ANKRD11: variants seen among roughly 807,000 people sequenced by gnomAD.
ANKRD11 encodes ankyrin repeat domain-containing protein 11.
ANKRD11 carries 17 observed loss-of-function variants against 195.7 expected under a neutral mutation model. That is an observed-to-expected ratio of 0.09 (90% CI 0.06 to 0.13). The LOEUF is 0.13. ANKRD11 is among the 10% of genes least tolerant of loss of function. The pLI, the probability that ANKRD11 is intolerant of heterozygous loss-of-function variation, is 1.00. For missense variants in ANKRD11, 3,735 were observed against 3,566.1 expected (o/e 1.05, Z -1.21); for synonymous variants, 1,953 against 1,528.1 (o/e 1.28, Z -6.49).
chr16:89,326,655 C>A (rs1014312597), intron 2 of ANKRD11, among the ~76,000 whole-genome samples: 10 of 152,102 alleles, frequency 6.6e-5, no homozygotes, highest in African/African-American at 2.4e-4. Context: ...GGCAGGAAGA[C>A]CCCTTGGGCC....
At chr16:89,336,200 G>A (rs1451077075) in intron 2 of ANKRD11, among the ~76,000 whole-genome samples, 1 of 152,222 alleles carries the variant, frequency 6.6e-6, no homozygotes. Flanking sequence ...CACTGTCCTT[G>A]TGGGCTACTC....
intron 2 of ANKRD11, among the ~76,000 whole-genome samples, chr16:89,407,794 G>A (rs1026254541): frequency 2.1e-5 from 3 of 144,624 alleles, no homozygotes; most frequent in African/African-American, 7.8e-5. Flanking sequence ...AGGCTGCAAT[G>A]AGCCGTGATC....
In ANKRD11 at chr16:89,281,673, C is replaced by T. The variant is rs763457374; in HGVS notation, c.4869G>A (p.Lys1623=). 1.9e-6 allele frequency: 3 copies of T among 1,614,064 alleles called. No homozygotes were observed. The highest frequency in any genetic ancestry group is 2.5e-6 in the Non-Finnish European group (3 of 1,180,028). Residue 1623 remains lysine, a synonymous_variant, in exon 9 of 13, where the codon AAG becomes AAA. Coordinates refer to ENST00000301030, the MANE Select transcript of ANKRD11 (RefSeq NM_013275.6). This position sits in a 1 kb window ranked among gnomAD's most constrained non-coding sequence, Gnocchi z 5.5. The part of the protein sequence containing the change: ...HRSGDPKLKE[K]AKPADDGRKK... ...TCCGCCCGTCGTCTGCCGGCTTCGC[C>T]TTCTCCTTGAGCTTGGGGTCTCCGG...
At chr16:89,338,493 G>A (rs2038490207) in intron 2 of ANKRD11, among the ~76,000 whole-genome samples, 1 of 151,068 alleles carries the variant, frequency 6.6e-6, no homozygotes, top group East Asian at 1.9e-4. Flanking sequence ...ACTTTGGGAG[G>A]CCGAGGCGGG....
intron 2 of ANKRD11, among the ~76,000 whole-genome samples, chr16:89,376,246 A>G (rs561650767): frequency 6.6e-6 from 1 of 152,310 alleles, no homozygotes; most frequent in Admixed American, 6.5e-5. Flanking sequence ...ACAACAACTG[A>G]AAGTAAAAGG....
chr16:89,348,999 G>A (rs1462826403), intron 2 of ANKRD11, among the ~76,000 whole-genome samples: 15 of 151,096 alleles, frequency 9.9e-5, no homozygotes, highest in African/African-American at 4.9e-5. Flanking sequence ...GTAGTAGAGC[G>A]CACTTGTAAT....
chr16:89,315,952 G>T (rs1167157283), intron 3 of ANKRD11, among the ~76,000 whole-genome samples: 1 of 152,156 alleles, frequency 6.6e-6, no homozygotes, highest in South Asian at 2.1e-4. Flanking sequence ...GTGACCTGGG[G>T]ACCAGAAGGC....
chr16:89,282,460 T>C lies in ANKRD11; in HGVS notation c.4082A>G (p.His1361Arg), dbSNP rs1432157452. ...CTCTTTCTTGGCTCGCTCTCGGTCGTGGCTCTTCTTGGATGAAGATGAGGA... is the reference window on the plus strand; with the variant it reads ...CTCTTTCTTGGCTCGCTCTCGGTCGCGGCTCTTCTTGGATGAAGATGAGGA... ...RHSSSSSKKS[H>R]DRERAKKEKA... is the part of the protein sequence containing the mutation. Residue 1361 changes from histidine (H) to arginine (R), a missense_variant, in exon 9 of 13, where the codon CAC becomes CGC. His to Arg is a conservative substitution (Grantham distance 29, BLOSUM62 0). Coordinates refer to ENST00000301030, the MANE Select transcript of ANKRD11 (RefSeq NM_013275.6). 6.2e-7 allele frequency: 1 copy of C among 1,614,168 alleles called. No individual in the cohort carries two copies. The highest frequency in any genetic ancestry group is 2.2e-5 in the East Asian group (1 of 44,870).
Position 89,280,223 on chromosome 16 carries a change from G to C in ANKRD11, c.6319C>G (p.Arg2107Gly), listed in dbSNP as rs780905536. The C allele has an allele frequency of 1.2e-6, 2 of 1,608,038 alleles. No individual in the cohort carries two copies. Among genetic ancestry groups the C allele is most frequent in the South Asian group, 1.1e-5 (1 of 90,994 alleles). ...ACCTGGCCGAGGTGAGACAGGCCGC[G>C]GCTGCCGTCCAGGAAGCTATTTTCC... is the stretch of plus-strand genomic sequence containing the variant. ...PLENSFLDGS[R>G]GLSHLGQVEP... The change falls in exon 9 of 13, where the codon CGC becomes GGC. Residue 2107 changes from arginine to glycine, a missense_variant. By Grantham distance (125) the Arg-to-Gly change is moderately radical (BLOSUM62 -2). Transcript: ENST00000301030.
intron 2 of ANKRD11, among the ~76,000 whole-genome samples, chr16:89,355,206 A>G (rs1464118118): frequency 6.6e-6 from 1 of 152,008 alleles, no homozygotes; most frequent in Non-Finnish European, 1.5e-5. Flanking sequence ...GATGCTCGGG[A>G]GGCGGGCAGA....
intron 1 of ANKRD11, among the ~76,000 whole-genome samples, chr16:89,443,796 T>A (rs1421202017): frequency 6.6e-6 from 1 of 152,112 alleles, no homozygotes; most frequent in African/African-American, 2.4e-5. Flanking sequence ...CCAAGATGCA[T>A]TAAGAAACAG....
intron 2 of ANKRD11, among the ~76,000 whole-genome samples, chr16:89,386,367 G>A (rs1436981400): frequency 6.6e-6 from 1 of 151,990 alleles, no homozygotes; most frequent in East Asian, 1.9e-4. Flanking sequence ...TTACTCGTGT[G>A]TCCAGGGACC....
At chr16:89,407,510 G>A (rs1484949062) in intron 2 of ANKRD11, among the ~76,000 whole-genome samples, 2 of 152,066 alleles carry the variant, frequency 1.3e-5, no homozygotes, top group East Asian at 1.9e-4. Context: ...CACGACAGCC[G>A]CACACACCTA....
chr16:89,334,169 A>AAAC lies in ANKRD11; in HGVS notation c.-59-17092_-59-17091insGTT, dbSNP rs1555545509. On this transcript the variant is annotated intron_variant, in intron 2 of 12. Coordinates refer to ENST00000301030, the MANE Select transcript of ANKRD11 (RefSeq NM_013275.6). ...TAAAAAAAAAAAAAAAAAAAAAAAAAAAAACAGAGAGAGAGAGAAAGAAAG... is the reference window on the plus strand; with the variant it reads ...TAAAAAAAAAAAAAAAAAAAAAAAAAAACAAAACAGAGAGAGAGAGAAAGAAAG... 2.8e-3 allele frequency among the ~76,000 whole-genome samples: 296 copies of AAAC among 107,354 alleles called. 25 individuals carry two copies. Among genetic ancestry groups the AAAC allele is most frequent in the Middle Eastern group, 4.9e-3 (1 of 206 alleles). The allele number at this position is 107,354 out of a possible 152,430, so 70.4% of individuals were successfully genotyped here. A position where few individuals can be genotyped will look rare whatever the true frequency, so the allele number is the denominator to read the frequency against.
At chr16:89,354,482 A>ACAGAGGG (rs1210047119) in intron 2 of ANKRD11, among the ~76,000 whole-genome samples, 2 of 152,342 alleles carry the variant, frequency 1.3e-5, no homozygotes, top group Middle Eastern at 3.4e-3. Context: ...TGGAAATGTC[A>ACAGAGGG]CAGAGGGCAG....
chr16:89,271,061 G>A, intron 11 of ANKRD11, 152 bp from the exon 12 acceptor site: 1 of 732,894 alleles, frequency 1.4e-6, no homozygotes, highest in Admixed American at 2.0e-5. Context: ...CATGTTCAAG[G>A]CATGGCAGGC....
chr16:89,410,206 TCA>T, intron 2 of ANKRD11, among the ~76,000 whole-genome samples: 1 of 152,284 alleles, frequency 6.6e-6, no homozygotes, highest in African/African-American at 2.4e-5. Context: ...AGCAGGCACC[TCA>T]CAGATGCCAA....
intron 1 of ANKRD11, among the ~76,000 whole-genome samples, chr16:89,432,737 G>T (rs1170873904): frequency 6.6e-6 from 1 of 151,940 alleles, no homozygotes; most frequent in African/African-American, 2.4e-5. Flanking sequence ...TTGAGCCCAG[G>T]AGTTCAAGAC....
At chr16:89,358,886 T>C (rs1597779578) in intron 2 of ANKRD11, among the ~76,000 whole-genome samples, 1 of 152,126 alleles carries the variant, frequency 6.6e-6, no homozygotes, top group South Asian at 2.1e-4. Flanking sequence ...AGCGCAGTGG[T>C]GCGATCATGG....
Sources: allele counts gnomAD v4.1 joint callset (sites outside exome capture counted in the v4.1 genomes callset), GRCh38; gene constraint gnomAD v4.1.1; non-coding constraint Gnocchi (gnomAD v3.1); transcripts MANE v1.5; gene names NCBI Gene and HGNC (gene_info 2026-07-23, HGNC 2026-07-21).